The following HIVEP3 variants were observed in gnomAD, a reference collection of about 807,000 sequenced individuals.
The protein encoded by HIVEP3 is transcription factor HIVEP3.
A neutral mutation model predicts 152.8 loss-of-function variants in HIVEP3; 49 were observed. The ratio of observed to expected loss-of-function variants is 0.32; its 90% CI spans 0.26 to 0.41. The LOEUF is 0.41. Ranked by LOEUF, HIVEP3 falls within the 10% of genes least tolerant of loss-of-function variation. HIVEP3 has a pLI of 1.00. For missense variants in HIVEP3, 2,790 were observed against 3,103.3 expected, an observed-to-expected ratio of 0.90 and a Z score of 2.40; for synonymous variants, 1,269 against 1,289.0, an observed-to-expected ratio of 0.98 and a Z score of 0.33.
chr1:41,926,375 C>T (rs1644968392), intron 1 of HIVEP3, among the ~76,000 whole-genome samples: 1 of 152,198 alleles, frequency 6.6e-6, no homozygotes, highest in Non-Finnish European at 1.5e-5. Context: ...ATCATTTTGC[C>T]CTGACATCTG....
intron 1 of HIVEP3, among the ~76,000 whole-genome samples, chr1:41,987,622 C>T (rs1467943879): frequency 1.3e-5 from 2 of 152,134 alleles, no homozygotes; most frequent in African/African-American, 2.4e-5. Context: ...CATGCATTTA[C>T]AGTCAGCTGA....
intron 2 of HIVEP3, among the ~76,000 whole-genome samples, chr1:41,649,069 C>T (rs1031855053): frequency 2.6e-5 from 4 of 152,198 alleles, no homozygotes; most frequent in Non-Finnish European, 5.9e-5. Context: ...TCACGGGTAA[C>T]AGAGCTGGGC....
rs568055176 is a variant in HIVEP3, at chr1:41,697,786, G to C, written c.-721+3130C>G. Among the ~76,000 whole-genome samples the C allele has an allele frequency of 2.0e-5, 3 of 152,286 alleles. No homozygotes were observed. The East Asian group carries it at 5.8e-4, about 29-fold the overall frequency. On this transcript the variant is annotated intron_variant, in intron 2 of 8. Coordinates refer to ENST00000372583, the MANE Select transcript of HIVEP3 (RefSeq NM_024503.5). ...GTCTTCCAGGGCCCAGTTCATCCAG[G>C]CATTTGTGCATTCTTATTGGTGAAC...
At chr1:42,007,685 C>G (rs114434575) in intron 1 of HIVEP3, among the ~76,000 whole-genome samples, 164 of 152,326 alleles carry the variant, frequency 1.1e-3, no homozygotes, top group African/African-American at 3.7e-3. Flanking sequence ...GCACACTGTT[C>G]ACCAGAAATA....
intron 1 of HIVEP3, among the ~76,000 whole-genome samples, chr1:41,998,194 A>G (rs1035611153): frequency 6.6e-6 from 1 of 152,238 alleles, no homozygotes; most frequent in Non-Finnish European, 1.5e-5. Flanking sequence ...AGGAAAGCCA[A>G]TATACTATAA....
At chr1:41,817,602 T>G (rs1208240922) in intron 1 of HIVEP3, among the ~76,000 whole-genome samples, 1 of 152,308 alleles carries the variant, frequency 6.6e-6, no homozygotes, top group East Asian at 1.9e-4. Flanking sequence ...GGAGGACCTG[T>G]GGTTCAATGC....
intron 3 of HIVEP3, among the ~76,000 whole-genome samples, chr1:41,600,734 A>T (rs2149124050): frequency 6.6e-6 from 1 of 152,344 alleles, no homozygotes; most frequent in East Asian, 1.9e-4. Context: ...TTTAACAGGC[A>T]CTACAAGCAA....
intron 1 of HIVEP3, among the ~76,000 whole-genome samples, chr1:41,796,113 T>C (rs922700937): frequency 2.6e-5 from 4 of 152,230 alleles, no homozygotes; most frequent in African/African-American, 9.6e-5. Flanking sequence ...CTTCTATCTG[T>C]ACGTATATTA....
chr1:41,657,227 C>T (rs1324446399), intron 2 of HIVEP3, among the ~76,000 whole-genome samples: 2 of 152,224 alleles, frequency 1.3e-5, no homozygotes, highest in Admixed American at 6.5e-5. Flanking sequence ...TTGACCCACA[C>T]GGTGGCCTCA....
intron 2 of HIVEP3, among the ~76,000 whole-genome samples, chr1:41,687,282 A>C (rs1239041274): frequency 6.6e-6 from 1 of 152,230 alleles, no homozygotes; most frequent in Non-Finnish European, 1.5e-5. Flanking sequence ...AGAGACAGGA[A>C]GCTATGGGGG....
At chr1:41,842,422 C>T (rs2124370970) in intron 1 of HIVEP3, among the ~76,000 whole-genome samples, 1 of 152,276 alleles carries the variant, frequency 6.6e-6, no homozygotes, top group Middle Eastern at 3.4e-3. Flanking sequence ...CCATTACTGG[C>T]CCCTCATAAA....
intron 5 of HIVEP3, among the ~76,000 whole-genome samples, chr1:41,539,221 G>C (rs754437818): frequency 1.2e-4 from 17 of 140,008 alleles, no homozygotes; most frequent in Non-Finnish European, 2.0e-4. Flanking sequence ...GGCACCAGGG[G>C]ACTCACAGTT....
At chr1:41,543,284 G>T (rs1643577611) in intron 5 of HIVEP3, 2 of 152,188 alleles carry the variant, frequency 1.3e-5, no homozygotes, top group Non-Finnish European at 2.9e-5. Flanking sequence ...AATGGTTTGG[G>T]CAGTTCTTAG....
rs545484336 is a variant in HIVEP3, at chr1:42,023,234, T to C, written n.119+12573A>G. ...GCTGACCAGGCTGGTCTCAAACTGCTGACTTCAAGTGATCTGCCTGCCTCT... is the reference window on the plus strand; with the variant it reads ...GCTGACCAGGCTGGTCTCAAACTGCCGACTTCAAGTGATCTGCCTGCCTCT... On this transcript the variant is annotated intron_variant and non_coding_transcript_variant, in intron 1 of 3. Transcript: ENST00000489103. Among the ~76,000 whole-genome samples, 83 of 152,244 alleles carry C rather than the reference T, an allele frequency of 5.5e-4. No homozygotes were observed. In the South Asian group the frequency reaches 0.016, roughly 30 times the overall value.
chr1:41,518,867 T>C lies in HIVEP3; in HGVS notation c.5384-379A>G, dbSNP rs529052512. On this transcript the variant is annotated intron_variant, in intron 6 of 8. Coordinates refer to ENST00000372583, the MANE Select transcript of HIVEP3 (RefSeq NM_024503.5). ...ATTTAAGTCTGGCCCTAGTAGCTGGTGACACTCATCAGGCAGGACTATTGG... is the reference window on the plus strand; with the variant it reads ...ATTTAAGTCTGGCCCTAGTAGCTGGCGACACTCATCAGGCAGGACTATTGG... 1.1e-3 allele frequency among the ~76,000 whole-genome samples: 166 copies of C among 146,544 alleles called. 1 individual carries two copies. The highest frequency in any genetic ancestry group is 3.9e-3 in the African/African-American group (156 of 39,732).
At chr1:41,801,418 A>G (rs2124312883) in intron 1 of HIVEP3, among the ~76,000 whole-genome samples, 1 of 152,268 alleles carries the variant, frequency 6.6e-6, no homozygotes, top group Admixed American at 6.5e-5. Flanking sequence ...TTAATTGGGA[A>G]TACTAATCAT....
At chr1:41,790,870 T>A (rs1242171157) in intron 1 of HIVEP3, among the ~76,000 whole-genome samples, 1 of 152,154 alleles carries the variant, frequency 6.6e-6, no homozygotes, top group Non-Finnish European at 1.5e-5. Context: ...ATGGACAAGA[T>A]GCATCCATAC....
chr1:41,870,551 T>G (rs1264110061), intron 1 of HIVEP3, among the ~76,000 whole-genome samples: 3 of 152,226 alleles, frequency 2.0e-5, no homozygotes, highest in African/African-American at 7.2e-5. Context: ...ATGAATGAAT[T>G]AAAGCATTTG....
At chr1:41,540,144 G>C (rs541555973) in intron 5 of HIVEP3, among the ~76,000 whole-genome samples, 24 of 152,376 alleles carry the variant, frequency 1.6e-4, no homozygotes, top group Admixed American at 4.6e-4. Context: ...GCAGCAGCCA[G>C]AGAGGACACT....
Sources: allele counts gnomAD v4.1 joint callset (sites outside exome capture counted in the v4.1 genomes callset), GRCh38; gene constraint gnomAD v4.1.1; transcripts MANE v1.5; gene names NCBI Gene and HGNC (gene_info 2026-07-23, HGNC 2026-07-21).